Variants in PHKB observed in about 807,000 individuals in gnomAD.
PHKB encodes the protein phosphorylase b kinase regulatory subunit beta.
Under a neutral mutation model 152.1 loss-of-function variants are expected in PHKB, and 122 were observed. The observed-to-expected ratio is 0.80, with a 90% confidence interval of 0.69 to 0.93. PHKB has a LOEUF of 0.93. Ranked by LOEUF, PHKB falls within the 40% of genes least tolerant of loss-of-function variation. The pLI, the probability that PHKB is intolerant of heterozygous loss-of-function variation, is 0.00. For synonymous variants in PHKB, 436 were observed against 464.9 expected, an observed-to-expected ratio of 0.94 and a Z score of 0.80; for missense variants, 1,304 against 1,328.4, an observed-to-expected ratio of 0.98 and a Z score of 0.29.
chr16:47,568,920 C>T (rs1398665492), intron 7 of PHKB, among the ~76,000 whole-genome samples: 3 of 151,972 alleles, frequency 2.0e-5, no homozygotes, highest in South Asian at 2.1e-4. Flanking sequence ...AAATTTATTG[C>T]GATTTGTGTT....
intron 6 of PHKB, among the ~76,000 whole-genome samples, chr16:47,530,914 A>G (rs921575502): frequency 6.6e-6 from 1 of 152,244 alleles, no homozygotes; most frequent in Non-Finnish European, 1.5e-5. Flanking sequence ...ATTTCCGTAG[A>G]CGTCTCAACA....
intron 5 of PHKB, 115 bp from the exon 6 acceptor site, chr16:47,515,406 A>T: frequency 1.4e-6 from 1 of 697,222 alleles, no homozygotes; most frequent in Non-Finnish European, 2.6e-6. Context: ...TAGGAAAGGA[A>T]ATAGTTTTAT....
chr16:47,616,770 TAG>T (rs1272110723), intron 14 of PHKB, among the ~76,000 whole-genome samples: 1 of 151,300 alleles, frequency 6.6e-6, no homozygotes, highest in Non-Finnish European at 1.5e-5. Flanking sequence ...CACAGAAATA[TAG>T]AGTGTGGAGT....
intron 6 of PHKB, among the ~76,000 whole-genome samples, chr16:47,544,214 G>A (rs1216283686): frequency 2.0e-5 from 3 of 152,028 alleles, no homozygotes; most frequent in African/African-American, 4.8e-5. Flanking sequence ...CAGTTTCTCC[G>A]ATAGGCATTT....
At chr16:47,508,208 C>T (rs528011205) in intron 4 of PHKB, among the ~76,000 whole-genome samples, 1 of 152,210 alleles carries the variant, frequency 6.6e-6, no homozygotes, top group East Asian at 1.9e-4. Context: ...GAATTTAGAG[C>T]AGTCTGTTTT....
At chr16:47,683,065 G>A (rs960446650) in intron 26 of PHKB, among the ~76,000 whole-genome samples, 2 of 152,210 alleles carry the variant, frequency 1.3e-5, no homozygotes, top group Admixed American at 6.5e-5. Context: ...AGCAGCAGTG[G>A]CTGTAGAACA....
At position 47,497,374 on chromosome 16, in the gene PHKB, G is replaced by C. The variant is rs1475173459; in HGVS notation, c.77-25G>C. The C allele has an allele frequency of 4.3e-6, 6 of 1,385,498 alleles. No individual in the cohort carries two copies. In the Admixed American group the frequency reaches 1.0e-4, roughly 23 times the overall value. The allele number at this position is 1,385,498 out of a possible 1,614,324, so 85.8% of individuals were successfully genotyped here. A position where few individuals can be genotyped will look rare whatever the true frequency, so the allele number is the denominator to read the frequency against. On this transcript the variant is annotated intron_variant, in intron 1 of 30. Coordinates refer to ENST00000323584, the MANE Select transcript of PHKB (RefSeq NM_000293.3). The stretch of plus-strand genomic sequence containing the variant: ...TATCTTTGTGAAAATGACTGAATTT[G>C]ATGGGTTTTTATTTTTTCTTTTAGG...
In PHKB at chr16:47,526,746, C is replaced by A. The variant is rs144525529; in HGVS notation, c.594+11145C>A. Among the ~76,000 whole-genome samples the A allele has an allele frequency of 3.6e-3, 541 of 152,160 alleles. 4 individuals carry two copies. The highest frequency in any genetic ancestry group is 0.013 in the African/African-American group (523 of 41,516). On this transcript the variant is annotated intron_variant, in intron 6 of 30. Coordinates refer to ENST00000323584, the MANE Select transcript of PHKB (RefSeq NM_000293.3). The stretch of plus-strand genomic sequence containing the variant: ...TCATATCAATACTTGTAGCATATAG[C>A]GGAAGTGTTATTGGTGAGCAGTTTT...
chr16:47,556,021 T>G (rs1238168709), intron 7 of PHKB, among the ~76,000 whole-genome samples: 1 of 152,248 alleles, frequency 6.6e-6, no homozygotes, highest in African/African-American at 2.4e-5. Context: ...CTAGGTATTT[T>G]ATTCTCTTTG....
chr16:47,595,496 C>T (rs1192175761), intron 12 of PHKB, among the ~76,000 whole-genome samples: 1 of 152,110 alleles, frequency 6.6e-6, no homozygotes, highest in African/African-American at 2.4e-5. Flanking sequence ...TCCTACCAAC[C>T]CATTTTTAAA....
At chr16:47,630,346 G>A (rs1420266614) in intron 14 of PHKB, among the ~76,000 whole-genome samples, 1 of 152,094 alleles carries the variant, frequency 6.6e-6, no homozygotes, top group Non-Finnish European at 1.5e-5. Context: ...GCCGGGCATG[G>A]TGGCACATGC....
chr16:47,574,574 G>A (rs1169448605), intron 7 of PHKB, among the ~76,000 whole-genome samples: 8 of 152,190 alleles, frequency 5.3e-5, no homozygotes, highest in Non-Finnish European at 8.8e-5. Context: ...GGTTTATTTG[G>A]CTCACAGTTT....
At chr16:47,507,558 A>C (rs1970441443) in intron 4 of PHKB, among the ~76,000 whole-genome samples, 2 of 142,966 alleles carry the variant, frequency 1.4e-5, no homozygotes, top group African/African-American at 5.2e-5. Context: ...GGGTCTCACT[A>C]TATTGCCCAA....
intron 26 of PHKB, among the ~76,000 whole-genome samples, chr16:47,682,015 C>T (rs1001522542): frequency 7.9e-5 from 12 of 152,168 alleles, no homozygotes; most frequent in Non-Finnish European, 1.3e-4. Context: ...ATTTCTCCTT[C>T]ACTTATGAAG....
chr16:47,687,751 A>G (rs1046851180), intron 26 of PHKB, among the ~76,000 whole-genome samples: 1 of 152,202 alleles, frequency 6.6e-6, no homozygotes. Context: ...AGAAATGGCA[A>G]CAACAAACAA....
intron 1 of PHKB, among the ~76,000 whole-genome samples, chr16:47,472,078 G>A (rs190290763): frequency 1.2e-4 from 19 of 152,186 alleles, no homozygotes; most frequent in African/African-American, 3.4e-4. Context: ...GTATATGTGC[G>A]AAATACATGT....
intron 7 of PHKB, among the ~76,000 whole-genome samples, chr16:47,571,470 T>G (rs191853287): frequency 7.9e-4 from 120 of 152,268 alleles, no homozygotes; most frequent in African/African-American, 2.8e-3. Context: ...GCAACCTCCC[T>G]GTCGTTCCCC....
At chr16:47,696,769 A>G (rs1229226238) in intron 29 of PHKB, among the ~76,000 whole-genome samples, 3 of 152,114 alleles carry the variant, frequency 2.0e-5, no homozygotes, top group East Asian at 1.9e-4. Context: ...CAGCCACACA[A>G]TCACCCCTTA....
At chr16:47,483,112 C>T (rs959320934) in intron 1 of PHKB, among the ~76,000 whole-genome samples, 3 of 142,192 alleles carry the variant, frequency 2.1e-5, no homozygotes, top group African/African-American at 7.8e-5. Flanking sequence ...GATCTCAGCT[C>T]ACTGCAACCT....
Sources: gnomAD v4.1 joint callset for allele counts (sites outside exome capture counted in the v4.1 genomes callset) on GRCh38, gnomAD v4.1.1 for gene constraint, MANE v1.5 for transcripts, NCBI Gene and HGNC (gene_info 2026-07-23, HGNC 2026-07-21) for gene names.